Variants in ABHD2 observed in about 807,000 individuals in gnomAD.
The protein encoded by ABHD2 is abhydrolase domain containing 2, acylglycerol lipase.
Under a neutral mutation model 48.1 loss-of-function variants are expected in ABHD2, and 20 were observed. The observed-to-expected ratio is 0.42, with a 90% CI of 0.29 to 0.60. The LOEUF is 0.60. Ranked by LOEUF, ABHD2 falls within the 20% of genes least tolerant of loss-of-function variation. The probability of loss-of-function intolerance (pLI) is 0.24; values close to 1 mark genes in which losing one functional copy is unlikely to be tolerated. For synonymous variants in ABHD2, 209 were observed against 214.2 expected (o/e 0.98, Z 0.21); for missense variants, 405 against 550.9 (o/e 0.74, Z 2.65).
At position 89,185,532 on chromosome 15, in the gene ABHD2, TTC is replaced by T. The variant is rs1268897490; in HGVS notation, c.815+23_815+24del. ...TCTCGCACAGGTAGGTCACCTTCCG[TTC>T]TCTCTCAGGAGACAGACAGTTCCTT... On this transcript the variant is annotated intron_variant, in intron 7 of 10. Coordinates refer to ENST00000352732, the MANE Select transcript of ABHD2 (RefSeq NM_152924.5). This position sits in a 1 kb window ranked among gnomAD's most constrained non-coding sequence, Gnocchi z 5.9. 6.2e-7 allele frequency: 1 copy of T among 1,608,924 alleles called. No individual in the cohort carries two copies. Among genetic ancestry groups the T allele is most frequent in the South Asian group, 1.1e-5 (1 of 90,972 alleles).
chr15:89,194,932 G>A (rs1425220990), intron 10 of ABHD2, among the ~76,000 whole-genome samples: 7 of 151,066 alleles, frequency 4.6e-5, no homozygotes, highest in Non-Finnish European at 1.0e-4. Context: ...GGAGCTTTAA[G>A]AACTCCACAA....
rs922006427 is a variant in ABHD2, at chr15:89,186,146, T to TG, written c.815+635dup. On this transcript the variant is annotated intron_variant, in intron 7 of 10. Coordinates refer to ENST00000352732, the MANE Select transcript of ABHD2 (RefSeq NM_152924.5). This position sits in a 1 kb window ranked among gnomAD's most constrained non-coding sequence, Gnocchi z 4.3. ...CTTCCCTGTAGGATGCTTCTGTGCC[T>TG]GGGGGATCAGGACTCATTCTTGGCT... Among the ~76,000 whole-genome samples, 1 of 152,148 alleles carries TG rather than the reference T, an allele frequency of 6.6e-6. No homozygotes were observed. The highest frequency in any genetic ancestry group is 1.5e-5 in the Non-Finnish European group (1 of 68,020).
the ABHD2 span, among the ~76,000 whole-genome samples, chr15:89,081,497 G>C: frequency 6.6e-6 from 1 of 152,082 alleles, no homozygotes; most frequent in South Asian, 2.1e-4. Flanking sequence ...CTGCATTGTG[G>C]GTGATACAAG....
intron 3 of ABHD2, among the ~76,000 whole-genome samples, chr15:89,129,827 A>G (rs1404154122): frequency 6.6e-6 from 1 of 152,148 alleles, no homozygotes; most frequent in Non-Finnish European, 1.5e-5. Context: ...AAGATGATTT[A>G]TAGGATACTT....
intron 3 of ABHD2, among the ~76,000 whole-genome samples, chr15:89,148,573 C>T (rs1260489562): frequency 6.6e-6 from 1 of 152,250 alleles, no homozygotes; most frequent in Non-Finnish European, 1.5e-5. Context: ...ACATACCTCT[C>T]AGTTCCATCA....
chr15:89,086,649 C>T (rs564141168), upstream of ABHD2, among the ~76,000 whole-genome samples: 36 of 152,226 alleles, frequency 2.4e-4, no homozygotes, highest in Admixed American at 1.3e-3. Flanking sequence ...TCCTGGGCTC[C>T]GCCTCAGCTT....
intron 5 of ABHD2, among the ~76,000 whole-genome samples, chr15:89,172,524 CAAG>C (rs764674301): frequency 6.6e-5 from 10 of 152,336 alleles, no homozygotes; most frequent in Non-Finnish European, 1.2e-4. Context: ...ATTCATCCAT[CAAG>C]GCACACTTGG....
rs2050963477 is a variant in ABHD2 at position 89,173,585 on chromosome 15, AC to A, written c.539-2226del. 6.6e-6 allele frequency among the ~76,000 whole-genome samples: 1 copy of A among 152,200 alleles called. No homozygotes were observed. The highest frequency in any genetic ancestry group is 1.5e-5 in the Non-Finnish European group (1 of 68,032). ...GAGACTCTGTCTCAAAAACAAACGA[AC>A]AAAAAGAAACTTGAATGAATCTGAC... is the stretch of plus-strand genomic sequence containing the variant. On this transcript the variant is annotated intron_variant, in intron 5 of 10. Transcript: ENST00000352732. This position sits in a 1 kb window ranked among gnomAD's most constrained non-coding sequence, Gnocchi z 6.5.
At chr15:89,130,944 T>C (rs943620097) in intron 3 of ABHD2, among the ~76,000 whole-genome samples, 9 of 152,182 alleles carry the variant, frequency 5.9e-5, no homozygotes, top group African/African-American at 2.2e-4. Flanking sequence ...AGAATAATCA[T>C]GGCCACAGGC....
chr15:89,157,126 T>C (rs2050687502), intron 5 of ABHD2, among the ~76,000 whole-genome samples: 3 of 152,238 alleles, frequency 2.0e-5, no homozygotes. Flanking sequence ...TATAGTTTAT[T>C]TAACCATTTA....
upstream of ABHD2, among the ~76,000 whole-genome samples, chr15:89,083,064 A>T (rs1410808081): frequency 1.3e-5 from 2 of 152,356 alleles, no homozygotes; most frequent in Admixed American, 1.3e-4. This position sits in a 1 kb window ranked among gnomAD's most constrained non-coding sequence, Gnocchi z 5.1. Flanking sequence ...CATGTTGGCC[A>T]GGCTGGTCTC....
At position 89,116,215 on chromosome 15, in the gene ABHD2, A is replaced by G; in HGVS notation, c.-6-107A>G. 9.6e-7 allele frequency: 1 copy of G among 1,043,404 alleles called. No individual in the cohort carries two copies. Among genetic ancestry groups the G allele is most frequent in the Non-Finnish European group, 1.4e-6 (1 of 710,374 alleles). The allele number at this position is 1,043,404 out of a possible 1,614,324, so 64.6% of individuals were successfully genotyped here. Reference sequence around the variant, plus strand: ...CCTGCGGAAACATCTGAATTGTGACACACCGTCACTGGCAGTATCTCTTAG... The same window carrying G: ...CCTGCGGAAACATCTGAATTGTGACGCACCGTCACTGGCAGTATCTCTTAG... On this transcript the variant is annotated intron_variant, in intron 2 of 10. Transcript: ENST00000352732. This position sits in a 1 kb window ranked among gnomAD's most constrained non-coding sequence, Gnocchi z 4.6.
Position 89,201,751 on chromosome 15 carries a change from C to G in ABHD2, c.*6328C>G, listed in dbSNP as rs74029952. The G allele has an allele frequency of 7.1e-6, 11 of 1,557,136 alleles. No homozygotes were observed. Among genetic ancestry groups the G allele is most frequent in the Non-Finnish European group, 9.7e-6 (11 of 1,129,038 alleles). On this transcript the variant is annotated 3_prime_UTR_variant, in exon 11 of 11. Transcript: ENST00000352732. ...TTGAATTTGAGGTCTATGGGCGGGT[C>G]GAGGACCAGGATCTGCTCGTGCTTC... is the stretch of plus-strand genomic sequence containing the variant.
chr15:89,046,381 G>A, the ABHD2 span, among the ~76,000 whole-genome samples: 10 of 151,862 alleles, frequency 6.6e-5, no homozygotes, highest in Admixed American at 3.3e-4. Flanking sequence ...GTCTCTGCCC[G>A]GCTTTGGTAT....
At position 89,168,185 on chromosome 15, in the gene ABHD2, G is replaced by C. The variant is rs2050865700; in HGVS notation, c.539-7627G>C. On this transcript the variant is annotated intron_variant, in intron 5 of 10. Transcript: ENST00000352732. This position sits in a 1 kb window ranked among gnomAD's most constrained non-coding sequence, Gnocchi z 4.8. ...TTGCCTTGTCCTTCTTTAGGTGTAG[G>C]GGCTTGAGAAAAAGGTGAGGGGTCT... Among the ~76,000 whole-genome samples the C allele has an allele frequency of 6.6e-6, 1 of 152,108 alleles. No homozygotes were observed. The highest frequency in any genetic ancestry group is 1.9e-4 in the East Asian group (1 of 5,192).
chr15:89,060,762 T>A, the ABHD2 span, among the ~76,000 whole-genome samples: 13 of 152,170 alleles, frequency 8.5e-5, no homozygotes, highest in Non-Finnish European at 1.6e-4. Flanking sequence ...AGGGGGGAAG[T>A]GTCCATCATC....
the ABHD2 span, among the ~76,000 whole-genome samples, chr15:89,080,284 C>G: frequency 6.6e-6 from 1 of 152,154 alleles, no homozygotes; most frequent in Non-Finnish European, 1.5e-5. Context: ...CTCTGAAGTT[C>G]TTCCCAAGAA....
At chr15:89,117,212 G>A (rs1173537426) in intron 3 of ABHD2, among the ~76,000 whole-genome samples, 3 of 152,192 alleles carry the variant, frequency 2.0e-5, no homozygotes, top group Non-Finnish European at 2.9e-5. Flanking sequence ...TTTTAGTAGA[G>A]ACGGGGTTTC....
upstream of ABHD2, among the ~76,000 whole-genome samples, chr15:89,086,698 G>A (rs1375150794): frequency 6.6e-6 from 1 of 152,214 alleles, no homozygotes; most frequent in African/African-American, 2.4e-5. Flanking sequence ...CACTGTACCG[G>A]TCCATGTTTT....
Sources: gnomAD v4.1 joint callset for allele counts (sites outside exome capture counted in the v4.1 genomes callset) on GRCh38, gnomAD v4.1.1 for gene constraint, Gnocchi (gnomAD v3.1) non-coding constraint, MANE v1.5 for transcripts, NCBI Gene and HGNC (gene_info 2026-07-23, HGNC 2026-07-21) for gene names.